The following ZNF253 variants were observed in gnomAD, a reference collection of about 807,000 sequenced individuals.
ZNF253 encodes the protein zinc finger protein 253.
A neutral mutation model predicts 11.9 loss-of-function variants in ZNF253; 8 were observed. The observed-to-expected ratio is 0.67, with a 90% CI of 0.40 to 1.22. The LOEUF is 1.22. ZNF253 is among the 50% of genes most tolerant of loss of function. The pLI is 0.01. For synonymous variants in ZNF253, 194 were observed against 194.9 expected, an observed-to-expected ratio of 1.00 and a Z score of 0.04; for missense variants, 485 against 586.9, an observed-to-expected ratio of 0.83 and a Z score of 1.79.
intron 1 of ZNF253, among the ~76,000 whole-genome samples, chr19:19,872,587 A>ATATATATATATATATTATTT (rs1555777041): frequency 7.7e-5 from 10 of 130,708 alleles, no homozygotes; most frequent in African/African-American, 3.6e-4. Context: ...ATATTATTAT[A>ATATATATATATATATTATTT]TATATATATA....
chr19:19,885,285 TTCTTTCTC>T (rs1568498915), intron 3 of ZNF253, among the ~76,000 whole-genome samples: 1 of 41,380 alleles, frequency 2.4e-5, no homozygotes, highest in Non-Finnish European at 3.7e-5. Flanking sequence ...CTTTCTTTCT[TTCTTTCTC>T]TTTCTTTTCT....
In ZNF253 at chr19:19,870,558, C is replaced by CAG. The variant is rs2063129973; in HGVS notation, c.3+4560_3+4561insGA. ...CAATAGGAATAATTATGAGTAAACA[C>CAG]AATTTTATTATCTTTTATTTCACTA... On this transcript the variant is annotated intron_variant, in intron 1 of 3. Transcript: ENST00000589717. Among the ~76,000 whole-genome samples, 9 of 152,128 alleles carry CAG rather than the reference C, an allele frequency of 5.9e-5. No homozygotes were observed. The Middle Eastern group carries it at 0.01, about 174-fold the overall frequency.
chr19:19,888,821 GTGT>G (rs2063217046), intron 3 of ZNF253, among the ~76,000 whole-genome samples: 1 of 152,116 alleles, frequency 6.6e-6, no homozygotes, highest in Non-Finnish European at 1.5e-5. Flanking sequence ...ATATGATCAT[GTGT>G]TGTTTTCTTG....
At chr19:19,881,361 G>C (rs1316269623) in intron 3 of ZNF253, among the ~76,000 whole-genome samples, 1 of 151,906 alleles carries the variant, frequency 6.6e-6, no homozygotes, top group Non-Finnish European at 1.5e-5. Context: ...CATAGCTGGG[G>C]GTGGTCTCCC....
intron 1 of ZNF253, among the ~76,000 whole-genome samples, chr19:19,872,577 ATATTAT>A (rs910149967): frequency 9.4e-6 from 1 of 106,828 alleles, no homozygotes; most frequent in African/African-American, 5.6e-5. Flanking sequence ...ATATATATAT[ATATTAT>A]TATATATATA....
chr19:19,883,170 T>C (rs562297539), intron 3 of ZNF253, among the ~76,000 whole-genome samples: 5 of 152,342 alleles, frequency 3.3e-5, no homozygotes, highest in Non-Finnish European at 1.5e-5. Context: ...ATGATGAATA[T>C]ATATTTCCTT....
At chr19:19,867,730 G>T (rs2063117542) in intron 1 of ZNF253, among the ~76,000 whole-genome samples, 1 of 152,192 alleles carries the variant, frequency 6.6e-6, no homozygotes, top group South Asian at 2.1e-4. Flanking sequence ...TTGCTATTGT[G>T]AATAGTGCTG....
chr19:19,886,846 TAA>T (rs1322371828), intron 3 of ZNF253, among the ~76,000 whole-genome samples: 2 of 152,316 alleles, frequency 1.3e-5, no homozygotes, highest in South Asian at 4.1e-4. Flanking sequence ...TAATGTTAGC[TAA>T]GTTTTTTTCT....
Position 19,892,391 on chromosome 19 carries a change from A to C in ZNF253, c.1144A>C (p.Thr382Pro), listed in dbSNP as rs1568502242. The C allele has an allele frequency of 6.2e-7, 1 of 1,613,582 alleles. No individual in the cohort carries two copies. The highest frequency in any genetic ancestry group is 1.3e-5 in the African/African-American group (1 of 74,862). The change falls in exon 4 of 4, where the codon ACC becomes CCC. Residue 382 changes from threonine (T) to proline (P), a missense_variant. By Grantham distance (38) the Thr-to-Pro change is conservative (BLOSUM62 -1). Coordinates refer to ENST00000589717, the MANE Select transcript of ZNF253 (RefSeq NM_021047.3). ...ECGKAFNHST[T>P]LFSHEKIHTG... The stretch of plus-strand genomic sequence containing the variant: ...TGGCAAAGCTTTTAACCATTCCACA[A>C]CCCTTTTTTCACATGAGAAAATTCA...
intron 1 of ZNF253, among the ~76,000 whole-genome samples, chr19:19,872,653 C>G (rs192041761): frequency 6.7e-6 from 1 of 148,800 alleles, no homozygotes; most frequent in Non-Finnish European, 1.5e-5. Context: ...TTTGTATCAG[C>G]CCACTGTGTC....
intron 1 of ZNF253, among the ~76,000 whole-genome samples, chr19:19,869,430 TC>T (rs2063123527): frequency 6.6e-6 from 1 of 152,088 alleles, no homozygotes; most frequent in Admixed American, 6.5e-5. Flanking sequence ...AATGGTTTGA[TC>T]TCGGCTCAGG....
intron 3 of ZNF253, among the ~76,000 whole-genome samples, chr19:19,882,207 G>A (rs937445039): frequency 6.8e-6 from 1 of 147,996 alleles, no homozygotes; most frequent in Non-Finnish European, 1.5e-5. Flanking sequence ...AAAAAAAAAA[G>A]AAGAAGAAGA....
intron 1 of ZNF253, among the ~76,000 whole-genome samples, 189 bp downstream of exon 1, chr19:19,866,188 A>G (rs1179304962): frequency 4.6e-5 from 7 of 151,332 alleles, no homozygotes; most frequent in Non-Finnish European, 8.9e-5. Context: ...GGCCCGGCAC[A>G]GTGATTGTGC....
At chr19:19,881,648 CAA>C (rs11301803) in intron 3 of ZNF253, among the ~76,000 whole-genome samples, 10,125 of 95,440 alleles carry the variant, frequency 0.11, 809 homozygotes, top group African/African-American at 0.26. Flanking sequence ...GACTCCTACT[CAA>C]AAAAAAAAAA....
intron 3 of ZNF253, among the ~76,000 whole-genome samples, chr19:19,881,991 C>T (rs1015243618): frequency 4.6e-5 from 7 of 152,032 alleles, no homozygotes; most frequent in African/African-American, 1.7e-4. Flanking sequence ...GAGTTCGAGA[C>T]AAGCCTGACC....
In ZNF253 at chr19:19,872,961, A is replaced by G. The variant is rs535794168; in HGVS notation, c.4-5520A>G. Among the ~76,000 whole-genome samples, 58 of 152,212 alleles carry G rather than the reference A, an allele frequency of 3.8e-4. 1 individual carries two copies. The South Asian group carries it at 0.012, about 32-fold the overall frequency. On this transcript the variant is annotated intron_variant, in intron 1 of 3. Transcript: ENST00000589717. The stretch of plus-strand genomic sequence containing the variant: ...AATCTGCAGATAAGTTCTGGCCTCT[A>G]CCACAGATTTACAAAAAAGGGCCGG...
At chr19:19,871,741 T>A (rs1455787942) in intron 1 of ZNF253, among the ~76,000 whole-genome samples, 1 of 152,214 alleles carries the variant, frequency 6.6e-6, no homozygotes, top group Non-Finnish European at 1.5e-5. Context: ...TTGGAGCCTC[T>A]TAAGCAGATT....
At chr19:19,871,904 A>C (rs977906926) in intron 1 of ZNF253, among the ~76,000 whole-genome samples, 11 of 152,200 alleles carry the variant, frequency 7.2e-5, no homozygotes, top group African/African-American at 2.7e-4. Flanking sequence ...TGATACAAAC[A>C]CATAAAGTGC....
intron 1 of ZNF253, 101 bp from the exon 2 acceptor site, chr19:19,878,380 G>A: frequency 2.5e-6 from 4 of 1,587,202 alleles, no homozygotes; most frequent in Non-Finnish European, 3.4e-6. Flanking sequence ...GCAGTCCTTT[G>A]AGTCAGAACC....
Sources: gnomAD v4.1 joint callset for allele counts (sites outside exome capture counted in the v4.1 genomes callset) on GRCh38, gnomAD v4.1.1 for gene constraint, MANE v1.5 for transcripts, NCBI Gene and HGNC (gene_info 2026-07-23, HGNC 2026-07-21) for gene names.